The following SERPINF1 variants were observed in gnomAD, a reference collection of about 807,000 sequenced individuals.
SERPINF1 encodes the protein serpin family F member 1, also known as pigment epithelium-derived factor.
Under a neutral mutation model 37.3 loss-of-function variants are expected in SERPINF1, and 29 were observed. That is an observed-to-expected ratio of 0.78 (90% CI 0.58 to 1.06). The LOEUF (loss-of-function observed/expected upper bound fraction) is 1.06. Among genes scored for constraint, SERPINF1 ranks in the 50% least tolerant of loss-of-function variants. The pLI is 0.00. For missense variants in SERPINF1, 553 were observed against 532.2 expected (o/e 1.04, Z -0.38); for synonymous variants, 281 against 227.9 (o/e 1.23, Z -2.10).
chr17:1,762,553 T>A (rs1269319067), intron 1 of SERPINF1, among the ~76,000 whole-genome samples: 1 of 152,206 alleles, frequency 6.6e-6, no homozygotes, highest in Non-Finnish European at 1.5e-5. Flanking sequence ...AGCCCAGCCC[T>A]GGCCCCTGCT....
chr17:1,768,661 G>A (rs1907537227), intron 2 of SERPINF1, among the ~76,000 whole-genome samples: 2 of 151,482 alleles, frequency 1.3e-5, no homozygotes, highest in Admixed American at 1.3e-4. Context: ...ATTTTTAGTA[G>A]AGATGGGGCC....
chr17:1,776,814 C>A, intron 7 of SERPINF1, 72 bp downstream of exon 7: 1 of 1,404,374 alleles, frequency 7.1e-7, no homozygotes, highest in Non-Finnish European at 1.0e-6. Flanking sequence ...TTCCACTGTG[C>A]TAAGCAGAAC....
intron 6 of SERPINF1, among the ~76,000 whole-genome samples, chr17:1,776,003 C>T (rs1461788824): frequency 3.3e-5 from 5 of 152,284 alleles, no homozygotes; most frequent in South Asian, 4.1e-4. Flanking sequence ...TTTCTGTCAA[C>T]GATTTCGGAG....
At position 1,769,750 on chromosome 17, in the gene SERPINF1, A is replaced by AG. The variant is rs1907600175; in HGVS notation, c.85-98dup. ...AGAAAAATTAGGAAGGACAGCCCCAAGGGGCCAGAACCACCACCCTACACA... is the reference window on the plus strand; with the variant it reads ...AGAAAAATTAGGAAGGACAGCCCCAAGGGGGCCAGAACCACCACCCTACACA... On this transcript the variant is annotated intron_variant, in intron 2 of 7. Transcript: ENST00000254722. 17 of 1,307,952 alleles carry AG rather than the reference A, an allele frequency of 1.3e-5. No homozygotes were observed. In the South Asian group the frequency reaches 2.0e-4, roughly 15 times the overall value. 81.0% of individuals were successfully genotyped at this position (1,307,952 alleles called of 1,614,324 possible). A position where few individuals can be genotyped will look rare whatever the true frequency, so the allele number is the denominator to read the frequency against.
At chr17:1,770,146 G>T (rs1001988685) in intron 3 of SERPINF1, 96 bp downstream of exon 3, 37 of 1,390,488 alleles carry the variant, frequency 2.7e-5, no homozygotes, top group Non-Finnish European at 3.6e-5. Context: ...TTTCAGTTCA[G>T]CGAGGGGTGA....
rs140244524 is a variant in SERPINF1, at chr17:1,771,527, C to T, written c.439+343C>T. 1.7e-3 allele frequency among the ~76,000 whole-genome samples: 255 copies of T among 152,192 alleles called. 1 individual carries two copies. The highest frequency in any genetic ancestry group is 3.0e-3 in the Non-Finnish European group (204 of 67,994). ...TGCTGGGATTACAGGTGTGAGCCAC[C>T]GCGCTCGGCCCGTTTCTAAACAATA... On this transcript the variant is annotated intron_variant, in intron 4 of 7. Coordinates refer to ENST00000254722, the MANE Select transcript of SERPINF1 (RefSeq NM_002615.7).
chr17:1,770,034 C>A lies in SERPINF1; in HGVS notation c.267C>A (p.Leu89=). ...LLSPLSVATA[L]SALSLGAEQR... ...CTCCTCTCAGTGTGGCCACGGCCCT[C>A]TCGGCCCTCTCGCTGGGTGAGTGCT... Residue 89 remains leucine (L), a synonymous_variant, in exon 3 of 8, where the codon CTC becomes CTA. Transcript: ENST00000254722. 1 of 1,614,182 alleles carries A rather than the reference C, an allele frequency of 6.2e-7. No individual in the cohort carries two copies. The highest frequency in any genetic ancestry group is 8.5e-7 in the Non-Finnish European group (1 of 1,180,008).
At chr17:1,774,166 A>G (rs1352018644) in intron 5 of SERPINF1, among the ~76,000 whole-genome samples, 1 of 152,152 alleles carries the variant, frequency 6.6e-6, no homozygotes, top group Non-Finnish European at 1.5e-5. Context: ...TCCCAGAGAC[A>G]CTGCTGTAGG....
At chr17:1,773,241 A>C (rs1415327991) in intron 5 of SERPINF1, among the ~76,000 whole-genome samples, 2 of 152,140 alleles carry the variant, frequency 1.3e-5, no homozygotes, top group Non-Finnish European at 2.9e-5. Context: ...TTTGAGTCAG[A>C]CAAGATTTAT....
chr17:1,766,819 T>A lies in SERPINF1; in HGVS notation c.-8-84T>A, dbSNP rs978517665. 4.4e-6 allele frequency: 6 copies of A among 1,352,354 alleles called. No homozygotes were observed. In the African/African-American group the frequency reaches 5.8e-5, roughly 13 times the overall value. The allele number at this position is 1,352,354 out of a possible 1,614,324, so 83.8% of individuals were successfully genotyped here. On this transcript the variant is annotated intron_variant, in intron 1 of 7. Coordinates refer to ENST00000254722, the MANE Select transcript of SERPINF1 (RefSeq NM_002615.7). ...TGACTAGCCCTGCCCAACCCCTGGG[T>A]CCTGGCTGGGGTGGCCAGGAAGGGG...
rs760485079 is a variant in SERPINF1 at position 1,772,031 on chromosome 17, C to G, written c.599C>G (p.Pro200Arg). Reference sequence around the variant, plus strand: ...CTCGCCAGGTCCACAAAGGAAATTCCCGATGAGATCAGCATTCTCCTTCTC... The same window carrying G: ...CTCGCCAGGTCCACAAAGGAAATTCGCGATGAGATCAGCATTCTCCTTCTC... Reference protein sequence around the residue: ...GKLARSTKEIPDEISILLLGV... With the variant: ...GKLARSTKEIRDEISILLLGV... Residue 200 changes from proline to arginine, a missense_variant, in exon 5 of 8, where the codon CCC becomes CGC. By Grantham distance (103) the Pro-to-Arg change is moderately radical (BLOSUM62 -2). Transcript: ENST00000254722. 1.2e-6 allele frequency: 2 copies of G among 1,613,910 alleles called. No individual in the cohort carries two copies. Among genetic ancestry groups the G allele is most frequent in the Non-Finnish European group, 8.5e-7 (1 of 1,179,990 alleles).
chr17:1,771,709 G>GCCTGGGGATGCCAGCAGAAGT, intron 4 of SERPINF1, 163 bp from the exon 5 acceptor site: 2 of 718,530 alleles, frequency 2.8e-6, no homozygotes, highest in Non-Finnish European at 4.9e-6. Context: ...CCTGGCCAGT[G>GCCTGGGGATGCCAGCAGAAGT]CCTGGGGATG....
chr17:1,765,582 A>G (rs1363041860), intron 1 of SERPINF1, among the ~76,000 whole-genome samples: 1 of 152,102 alleles, frequency 6.6e-6, no homozygotes, highest in Non-Finnish European at 1.5e-5. Flanking sequence ...TCAGCCTCCC[A>G]AAGTGCTGGG....
chr17:1,764,033 T>C (rs1053498784), intron 1 of SERPINF1, among the ~76,000 whole-genome samples: 4 of 152,174 alleles, frequency 2.6e-5, no homozygotes, highest in Non-Finnish European at 5.9e-5. Flanking sequence ...AACATAAAAA[T>C]TAACCAGGTG....
intron 5 of SERPINF1, among the ~76,000 whole-genome samples, chr17:1,774,131 C>T (rs146472952): frequency 1.1e-3 from 175 of 152,304 alleles, no homozygotes; most frequent in African/African-American, 3.9e-3. Flanking sequence ...GAGGTCCTTC[C>T]CAGCTCAGAC....
chr17:1,765,913 C>G (rs897612187), intron 1 of SERPINF1, among the ~76,000 whole-genome samples: 1 of 151,332 alleles, frequency 6.6e-6, no homozygotes, highest in Non-Finnish European at 1.5e-5. Context: ...CCCAGGATCT[C>G]TGACCCTAGG....
At chr17:1,769,690 G>A in intron 2 of SERPINF1, 162 bp from the exon 3 acceptor site, 2 of 740,432 alleles carry the variant, frequency 2.7e-6, no homozygotes, top group Non-Finnish European at 4.8e-6. Context: ...TGCGTGATCA[G>A]GGAGTAAAAC....
Position 1,771,873 on chromosome 17 carries a change from G to C in SERPINF1, c.441G>C (p.Lys147Asn), listed in dbSNP as rs138341386. 3.3e-4 allele frequency: 539 copies of C among 1,611,764 alleles called. No individual in the cohort carries two copies. The highest frequency in any genetic ancestry group is 3.4e-4 in the Non-Finnish European group (407 of 1,179,842). The change falls in exon 5 of 8, where the codon AAG becomes AAC. Residue 147 changes from lysine to asparagine, a missense_variant and splice_region_variant. By Grantham distance (94) the Lys-to-Asn change is moderately conservative (BLOSUM62 0). Transcript: ENST00000254722. The part of the protein sequence containing the change: ...KSASRIVFEK[K>N]LRIKSSFVAP... Reference sequence around the variant, plus strand: ...AACCTCTGCTCCGCCTCTTCTCAGAGCTGCGCATAAAATCCAGCTTTGTGG... The same window carrying C: ...AACCTCTGCTCCGCCTCTTCTCAGACCTGCGCATAAAATCCAGCTTTGTGG...
intron 5 of SERPINF1, among the ~76,000 whole-genome samples, chr17:1,773,055 T>C (rs1188469181): frequency 6.6e-6 from 1 of 152,148 alleles, no homozygotes; most frequent in Non-Finnish European, 1.5e-5. Context: ...TTGCCCAGCA[T>C]GGAGTCTGGG....
Sources: gnomAD v4.1 joint callset for allele counts (sites outside exome capture counted in the v4.1 genomes callset) on GRCh38, gnomAD v4.1.1 for gene constraint, MANE v1.5 for transcripts, NCBI Gene and HGNC (gene_info 2026-07-23, HGNC 2026-07-21) for gene names.